CNTN4: variants seen among roughly 807,000 people sequenced by gnomAD.
CNTN4 encodes the protein contactin 4.
Under a neutral mutation model 122.5 loss-of-function variants are expected in CNTN4, and 77 were observed. The observed-to-expected ratio is 0.63, with a 90% CI of 0.52 to 0.76. CNTN4 has a LOEUF of 0.76. Among genes scored for constraint, CNTN4 ranks in the 30% least tolerant of loss-of-function variants. The probability of loss-of-function intolerance (pLI) is 0.00; values close to 1 mark genes in which losing one functional copy is unlikely to be tolerated. For missense variants in CNTN4, 1,256 were observed against 1,259.1 expected, an observed-to-expected ratio of 1.00 and a Z score of 0.04; for synonymous variants, 512 against 447.0, an observed-to-expected ratio of 1.15 and a Z score of -1.83.
chr3:2,487,296 T>C (rs2076190316), intron 3 of CNTN4, among the ~76,000 whole-genome samples: 1 of 152,252 alleles, frequency 6.6e-6, no homozygotes, highest in Non-Finnish European at 1.5e-5. Context: ...ATATATTTGC[T>C]CTTACAACTA....
In CNTN4 at chr3:2,545,669, T is replaced by C. The variant is rs114121354; in HGVS notation, c.-88-25747T>C. 2.4e-3 allele frequency among the ~76,000 whole-genome samples: 368 copies of C among 152,070 alleles called. 1 individual carries two copies. The highest frequency in any genetic ancestry group is 8.3e-3 in the African/African-American group (345 of 41,520). ...TTGCTGGTATAAAGTCTGTTTTGTCTGAAATCACGATAGCAACTTCTCCTT... is the reference window on the plus strand; with the variant it reads ...TTGCTGGTATAAAGTCTGTTTTGTCCGAAATCACGATAGCAACTTCTCCTT... On this transcript the variant is annotated intron_variant, in intron 3 of 24. Transcript: ENST00000418658.
At chr3:2,218,069 A>C (rs996786373) in intron 2 of CNTN4, among the ~76,000 whole-genome samples, 1 of 152,176 alleles carries the variant, frequency 6.6e-6, no homozygotes, top group African/African-American at 2.4e-5. Flanking sequence ...GCACGTGAAG[A>C]TCAAGGGGGA....
Position 2,900,251 on chromosome 3 carries a change from C to T in CNTN4, c.941-434C>T, listed in dbSNP as rs1017454923. Among the ~76,000 whole-genome samples, 7 of 152,284 alleles carry T rather than the reference C, an allele frequency of 4.6e-5. No individual in the cohort carries two copies. The South Asian group carries it at 8.3e-4, about 18-fold the overall frequency. ...AAGTTGCTCTCACCACTTTCACACACATACAGTTGGCATGAACTTGGTTAC... is the reference window on the plus strand; with the variant it reads ...AAGTTGCTCTCACCACTTTCACACATATACAGTTGGCATGAACTTGGTTAC... On this transcript the variant is annotated intron_variant, in intron 10 of 24. Coordinates refer to ENST00000418658, the MANE Select transcript of CNTN4 (RefSeq NM_175607.3).
chr3:2,824,645 T>G (rs560355035), intron 7 of CNTN4, among the ~76,000 whole-genome samples: 29 of 152,290 alleles, frequency 1.9e-4, no homozygotes, highest in South Asian at 1.2e-3. Flanking sequence ...TGTGAAATTT[T>G]TATTTAAAAT....
At chr3:2,306,519 CT>C (rs1161079422) in intron 2 of CNTN4, among the ~76,000 whole-genome samples, 2 of 151,852 alleles carry the variant, frequency 1.3e-5, no homozygotes, top group African/African-American at 4.8e-5. Context: ...TATAAGAGTT[CT>C]TGATATATTC....
intron 3 of CNTN4, among the ~76,000 whole-genome samples, chr3:2,403,220 C>T (rs1323211057): frequency 4.6e-5 from 7 of 152,086 alleles, no homozygotes; most frequent in Non-Finnish European, 1.0e-4. Context: ...GCCTGCTCTA[C>T]TCCAGTATGA....
intron 3 of CNTN4, among the ~76,000 whole-genome samples, chr3:2,469,544 T>A (rs2075614010): frequency 1.3e-5 from 2 of 152,224 alleles, no homozygotes; most frequent in African/African-American, 4.8e-5. Context: ...GATTTTCAGA[T>A]GTAGGTTTCT....
chr3:2,925,123 T>TACAC (rs1336052598), intron 12 of CNTN4, among the ~76,000 whole-genome samples: 1 of 152,228 alleles, frequency 6.6e-6, no homozygotes. Flanking sequence ...CACCAAACTG[T>TACAC]ACACACACAA....
intron 13 of CNTN4, among the ~76,000 whole-genome samples, chr3:2,979,692 TTAACA>T (rs374262299): frequency 1.1e-3 from 165 of 152,300 alleles, no homozygotes; most frequent in African/African-American, 3.9e-3. Context: ...GATTTAAAAT[TTAACA>T]TAACAGTTTG....
intron 2 of CNTN4, among the ~76,000 whole-genome samples, chr3:2,261,209 G>A (rs981488618): frequency 1.3e-5 from 2 of 152,014 alleles, no homozygotes; most frequent in Non-Finnish European, 2.9e-5. Flanking sequence ...GGTATTTGGT[G>A]TTATGTAGTT....
intron 14 of CNTN4, among the ~76,000 whole-genome samples, chr3:3,000,475 A>G (rs941727190): frequency 1.3e-5 from 2 of 152,248 alleles, no homozygotes; most frequent in Admixed American, 1.3e-4. Flanking sequence ...CAGTACCATA[A>G]GAGATGAGCA....
chr3:2,745,587 G>A lies in CNTN4; in HGVS notation c.248G>A (p.Ser83Asn). Residue 83 changes from serine to asparagine, a missense_variant, in exon 6 of 25, where the codon AGC becomes AAC. By Grantham distance (46) the Ser-to-Asn change is conservative. Transcript: ENST00000418658. ...MDFRYSVVEG[S>N]LLINNPNKTQ... ...TTCCGCTACAGTGTTGTTGAAGGGA[G>A]CTTGTTGATCAATAACCCCAATAAA... The A allele has an allele frequency of 6.2e-7, 1 of 1,614,138 alleles. No homozygotes were observed.
chr3:2,144,738 G>C (rs62246964), intron 2 of CNTN4, among the ~76,000 whole-genome samples: 38,361 of 152,104 alleles, frequency 0.25, 5,713 homozygotes, highest in Admixed American at 0.35. Context: ...CACATAGCAA[G>C]TCATCAATTA....
At chr3:2,907,071 G>C (rs1260861049) in intron 12 of CNTN4, among the ~76,000 whole-genome samples, 1 of 152,136 alleles carries the variant, frequency 6.6e-6, no homozygotes, top group Non-Finnish European at 1.5e-5. Context: ...GAAGACATCT[G>C]CCTATTTAAA....
At chr3:2,352,947 T>C (rs189939885) in intron 3 of CNTN4, among the ~76,000 whole-genome samples, 125 of 152,238 alleles carry the variant, frequency 8.2e-4, no homozygotes, top group Admixed American at 2.2e-3. Context: ...GTGCTCTGTG[T>C]CTAGCTAATC....
At chr3:2,338,339 A>G (rs2044042566) in intron 2 of CNTN4, among the ~76,000 whole-genome samples, 1 of 152,042 alleles carries the variant, frequency 6.6e-6, no homozygotes, top group African/African-American at 2.4e-5. Context: ...ATGGCTAATC[A>G]AGAAACTATA....
intron 4 of CNTN4, among the ~76,000 whole-genome samples, chr3:2,582,237 G>C (rs2079976539): frequency 6.6e-6 from 1 of 152,230 alleles, no homozygotes. Flanking sequence ...CTGTCAGGAA[G>C]TTAGAGTTGC....
chr3:2,189,923 C>T (rs2037448042), intron 2 of CNTN4, among the ~76,000 whole-genome samples: 2 of 152,268 alleles, frequency 1.3e-5, no homozygotes, highest in African/African-American at 4.8e-5. Flanking sequence ...TTTAGAGACT[C>T]ATCATTGCTC....
Position 2,621,382 on chromosome 3 carries a change from G to T in CNTN4, c.55+49824G>T, listed in dbSNP as rs114878941. Among the ~76,000 whole-genome samples the T allele has an allele frequency of 3.8e-3, 574 of 152,038 alleles. 6 individuals are homozygous for T. The highest frequency in any genetic ancestry group is 0.013 in the African/African-American group (548 of 41,454). ...AACACCTGGAGAGGTCTTAACTTTT[G>T]TATCTTATAAAAACACCAAACACCA... On this transcript the variant is annotated intron_variant, in intron 4 of 24. Transcript: ENST00000418658.
Sources: allele counts gnomAD v4.1 joint callset (sites outside exome capture counted in the v4.1 genomes callset), GRCh38; gene constraint gnomAD v4.1.1; transcripts MANE v1.5; gene names NCBI Gene and HGNC (gene_info 2026-07-23, HGNC 2026-07-21).